The following IPPK variants were observed in gnomAD, a reference collection of about 807,000 sequenced individuals.
IPPK encodes the protein inositol-pentakisphosphate 2-kinase.
In IPPK, 22 loss-of-function variants were observed where a neutral mutation model predicts 64.6. That is an observed-to-expected ratio of 0.34 (90% CI 0.24 to 0.49). IPPK has a LOEUF of 0.49. IPPK is among the 20% of genes least tolerant of loss of function. The probability of loss-of-function intolerance (pLI) is 0.99; values close to 1 mark genes in which losing one functional copy is unlikely to be tolerated. For synonymous variants in IPPK, 262 were observed against 247.2 expected, an observed-to-expected ratio of 1.06 and a Z score of -0.56; for missense variants, 532 against 630.7, an observed-to-expected ratio of 0.84 and a Z score of 1.68.
At chr9:92,648,418 A>G (rs1047903073) in intron 5 of IPPK, among the ~76,000 whole-genome samples, 2 of 152,176 alleles carry the variant, frequency 1.3e-5, no homozygotes, top group African/African-American at 2.4e-5. Flanking sequence ...ACAACACACA[A>G]TAGCTTCATG....
chr9:92,657,669 C>T (rs1474812158), intron 2 of IPPK, among the ~76,000 whole-genome samples: 6 of 152,220 alleles, frequency 3.9e-5, no homozygotes, highest in Admixed American at 3.9e-4. Context: ...TATTTCTCTT[C>T]AGCAGCTGAG....
chr9:92,629,509 TG>T (rs1043446883), intron 11 of IPPK, among the ~76,000 whole-genome samples: 21 of 152,174 alleles, frequency 1.4e-4, no homozygotes, highest in Admixed American at 5.9e-4. Flanking sequence ...CCCAGCATTT[TG>T]GGAGGCCGAG....
At chr9:92,631,322 A>G (rs1158477582) in intron 11 of IPPK, among the ~76,000 whole-genome samples, 1 of 151,694 alleles carries the variant, frequency 6.6e-6, no homozygotes, top group Non-Finnish European at 1.5e-5. Context: ...CAGCCTCCCA[A>G]GTAGCTGGAA....
At chr9:92,619,316 T>C (rs1851547516) in intron 12 of IPPK, 170 bp downstream of exon 12, 1 of 596,696 alleles carries the variant, frequency 1.7e-6, no homozygotes, top group African/African-American at 1.8e-5. Flanking sequence ...TACAAGCTTC[T>C]AGAGGGCGAG....
At chr9:92,662,318 G>A (rs981737956) in intron 1 of IPPK, among the ~76,000 whole-genome samples, 3 of 152,158 alleles carry the variant, frequency 2.0e-5, no homozygotes, top group African/African-American at 7.2e-5. Flanking sequence ...CTGAGGTCGG[G>A]AGTTCGAGAC....
Position 92,614,606 on chromosome 9 carries a change from C to G in IPPK, c.*1226G>C, listed in dbSNP as rs1184318213. On this transcript the variant is annotated 3_prime_UTR_variant, in exon 13 of 13. Transcript: ENST00000287996. ...TCTCAAGTTATCACAAAATTTCCCA[C>G]AAAAATTTACAATCAGCAAAATAGT... 1 of 152,628 alleles carries G rather than the reference C, an allele frequency of 6.6e-6. No homozygotes were observed. Among genetic ancestry groups the G allele is most frequent in the Non-Finnish European group, 1.5e-5 (1 of 68,038 alleles). 9.5% of individuals were successfully genotyped at this position (152,628 alleles called of 1,614,324 possible).
chr9:92,619,449 T>C lies in IPPK; in HGVS notation c.1250+37A>G, dbSNP rs1266163849. The C allele has an allele frequency of 2.0e-6, 3 of 1,522,762 alleles. No individual in the cohort carries two copies. The South Asian group carries it at 3.6e-5, about 18-fold the overall frequency. 94.3% of individuals were successfully genotyped at this position (1,522,762 alleles called of 1,614,324 possible). On this transcript the variant is annotated intron_variant, in intron 12 of 12. Coordinates refer to ENST00000287996, the MANE Select transcript of IPPK (RefSeq NM_022755.6). ...TCACCAACTGTCCATAAAACCCCGT[T>C]AGACCCAGGCTGCATGCCTTGCAGT...
intron 11 of IPPK, among the ~76,000 whole-genome samples, chr9:92,621,507 C>CTTTTTTT (rs58003734): frequency 3.6e-4 from 32 of 87,812 alleles, no homozygotes; most frequent in African/African-American, 4.6e-4. Context: ...AATACCATTC[C>CTTTTTTT]TTTTTTTTTT....
chr9:92,656,415 A>C, intron 3 of IPPK, 41 bp downstream of exon 3: 1 of 1,369,986 alleles, frequency 7.3e-7, no homozygotes, highest in Admixed American at 1.7e-5. Flanking sequence ...TGTTGATGCA[A>C]AACATGCCCA....
chr9:92,669,510 A>G (rs1852679286), intron 1 of IPPK, among the ~76,000 whole-genome samples: 1 of 152,176 alleles, frequency 6.6e-6, no homozygotes, highest in Non-Finnish European at 1.5e-5. Context: ...CCTCCGTCCC[A>G]ACCAAGCCTC....
At chr9:92,669,866 C>T (rs1347305005) in intron 1 of IPPK, 42 bp downstream of exon 1, 2 of 1,475,220 alleles carry the variant, frequency 1.4e-6, no homozygotes, top group African/African-American at 1.4e-5. Context: ...TACCGGCCGT[C>T]GGAGTGAGGT....
chr9:92,655,267 C>T (rs936255489), intron 3 of IPPK, among the ~76,000 whole-genome samples: 12 of 152,210 alleles, frequency 7.9e-5, no homozygotes, highest in Admixed American at 1.3e-4. Flanking sequence ...GCAGATGCAG[C>T]GACCCTGAGG....
chr9:92,640,646 T>G, intron 8 of IPPK, 64 bp downstream of exon 8: 1 of 1,062,872 alleles, frequency 9.4e-7, no homozygotes, highest in Non-Finnish European at 1.5e-6. Context: ...CCCTCATCTG[T>G]GAGGTCACTT....
At chr9:92,619,636 C>T in intron 11 of IPPK, 71 bp from the exon 12 acceptor site, 1 of 1,360,038 alleles carries the variant, frequency 7.4e-7, no homozygotes, top group South Asian at 1.2e-5. Flanking sequence ...CCTTCCTTCC[C>T]AGTAGCCAAG....
intron 1 of IPPK, among the ~76,000 whole-genome samples, chr9:92,664,359 A>G (rs1264554582): frequency 1.3e-5 from 2 of 152,262 alleles, no homozygotes; most frequent in Non-Finnish European, 2.9e-5. Flanking sequence ...ATGGGAGCCC[A>G]GTACTCTGCA....
intron 6 of IPPK, among the ~76,000 whole-genome samples, chr9:92,646,107 G>C (rs1238454928): frequency 6.6e-6 from 1 of 152,164 alleles, no homozygotes; most frequent in East Asian, 1.9e-4. Flanking sequence ...ACAAAGGTTG[G>C]GGGAGGGAGC....
chr9:92,647,258 CT>C (rs1423811139), intron 6 of IPPK, among the ~76,000 whole-genome samples: 1 of 152,166 alleles, frequency 6.6e-6, no homozygotes, highest in Non-Finnish European at 1.5e-5. Flanking sequence ...TAACAAGAGA[CT>C]GAATCAGTAA....
chr9:92,650,025 C>CAAAA (rs976792024), intron 4 of IPPK, among the ~76,000 whole-genome samples: 3 of 68,758 alleles, frequency 4.4e-5, no homozygotes, highest in South Asian at 4.2e-4. Context: ...GACTCTGTCT[C>CAAAA]AAAAAAAAAA....
At chr9:92,625,143 GTA>G (rs2131422987) in intron 11 of IPPK, among the ~76,000 whole-genome samples, 1 of 152,218 alleles carries the variant, frequency 6.6e-6, no homozygotes, top group African/African-American at 2.4e-5. Context: ...TCAGTGGGTT[GTA>G]TATTTTTTTC....
Sources: gnomAD v4.1 joint callset for allele counts (sites outside exome capture counted in the v4.1 genomes callset) on GRCh38, gnomAD v4.1.1 for gene constraint, MANE v1.5 for transcripts, NCBI Gene and HGNC (gene_info 2026-07-23, HGNC 2026-07-21) for gene names.